PREPL: variants seen among roughly 807,000 people sequenced by gnomAD.
PREPL encodes the protein prolyl endopeptidase-like.
Under a neutral mutation model 70.6 loss-of-function variants are expected in PREPL, and 77 were observed. That is an observed-to-expected ratio of 1.09 (90% CI 0.91 to 1.32). PREPL has a LOEUF of 1.32. PREPL is among the 40% of genes most tolerant of loss of function. The pLI is 0.00. For synonymous variants in PREPL, 315 were observed against 264.8 expected, an observed-to-expected ratio of 1.19 and a Z score of -1.84; for missense variants, 1,002 against 778.2, an observed-to-expected ratio of 1.29 and a Z score of -3.42.
Position 44,338,511 on chromosome 2 carries a change from G to A in PREPL, c.728C>T (p.Pro243Leu), listed in dbSNP as rs750100447. The A allele has an allele frequency of 6.2e-7, 1 of 1,611,828 alleles. No individual in the cohort carries two copies. Among genetic ancestry groups the A allele is most frequent in the South Asian group, 1.1e-5 (1 of 90,622 alleles). ...FKLMRTAADT[P>L]AIMNWDLFFT... is the part of the protein sequence containing the mutation. ...AAATAAATCCCAATTCATAATTGCA[G>A]GGGTATCAGCCGCTGTTCTCATTAG... Residue 243 changes from proline (P) to leucine (L), a missense_variant, in exon 7 of 14, where the codon CCT (proline) becomes CTT (leucine). Pro to Leu is a moderately conservative substitution (Grantham distance 98, BLOSUM62 -3). Coordinates refer to ENST00000409411, the MANE Select transcript of PREPL (RefSeq NM_001171613.2).
Position 44,319,336 on chromosome 2 carries a change from C to CT in PREPL, c.*2019dup, listed in dbSNP as rs536058926. ...GCATTATGTATCAAGTGCCCATACT[C>CT]TTTGACAAAGTAACTGTCTTTCTGA... On this transcript the variant is annotated 3_prime_UTR_variant, in exon 14 of 14. Transcript: ENST00000409411. 5.9e-5 allele frequency: 9 copies of CT among 152,576 alleles called. No homozygotes were observed. The highest frequency in any genetic ancestry group is 1.5e-5 in the Non-Finnish European group (1 of 68,028). 9.5% of individuals were successfully genotyped at this position (152,576 alleles called of 1,614,324 possible).
intron 3 of PREPL, among the ~76,000 whole-genome samples, 168 bp from the exon 4 acceptor site, chr2:44,344,119 T>C (rs1675522655): frequency 6.6e-6 from 1 of 152,226 alleles, no homozygotes; most frequent in Non-Finnish European, 1.5e-5. Context: ...CAATAAGTTA[T>C]TTAATATTAC....
intron 9 of PREPL, among the ~76,000 whole-genome samples, chr2:44,328,105 G>A (rs898375175): frequency 6.6e-6 from 1 of 151,754 alleles, no homozygotes; most frequent in East Asian, 1.9e-4. Flanking sequence ...GGCCAACATG[G>A]TGAAACCCCA....
intron 8 of PREPL, 143 bp downstream of exon 8, chr2:44,332,316 C>A (rs1249793222): frequency 3.0e-6 from 2 of 660,388 alleles, no homozygotes; most frequent in Non-Finnish European, 5.0e-6. Flanking sequence ...ATTCACCTAT[C>A]CCTAAAGTCA....
Position 44,332,460 on chromosome 2 carries a change from T to C in PREPL, c.1085A>G (p.Lys362Arg), listed in dbSNP as rs1224756167. Reference protein sequence around the residue: ...SRVLRLEAKSKDGKLVPMTVF... With the variant: ...SRVLRLEAKSRDGKLVPMTVF... ...GAAAGTGAAGATTATAAGACCTACC[T>C]TGCTTTTGGCTTCTAGACGTAAAAC... The change falls in exon 8 of 14, where the codon AAG becomes AGG. Residue 362 changes from lysine to arginine, a missense_variant and splice_region_variant. Coordinates refer to ENST00000409411, the MANE Select transcript of PREPL (RefSeq NM_001171613.2). 1.2e-6 allele frequency: 2 copies of C among 1,610,966 alleles called. No individual in the cohort carries two copies. The highest frequency in any genetic ancestry group is 2.2e-5 in the South Asian group (2 of 91,014).
At chr2:44,361,783 T>C, upstream of PREPL, 1 of 770,588 alleles carries the variant, frequency 1.3e-6, no homozygotes, top group Non-Finnish European at 1.8e-6. Flanking sequence ...CCGCCCTCAC[T>C]CAAGATGGCT....
In PREPL at chr2:44,319,692, T is replaced by G. The variant is rs1672759586; in HGVS notation, c.*1664A>C. 1 of 152,704 alleles carries G rather than the reference T, an allele frequency of 6.5e-6. No individual in the cohort carries two copies. The highest frequency in any genetic ancestry group is 2.4e-5 in the African/African-American group (1 of 41,462). 9.5% of individuals were successfully genotyped at this position (152,704 alleles called of 1,614,324 possible). On this transcript the variant is annotated 3_prime_UTR_variant, in exon 14 of 14. Coordinates refer to ENST00000409411, the MANE Select transcript of PREPL (RefSeq NM_001171613.2). ...TTTATTTTGCATCCTTTTTTTCAAC[T>G]TTGTCTTCTATTAGCTGTGCAAGAA...
intron 1 of PREPL, among the ~76,000 whole-genome samples, chr2:44,351,209 A>T (rs890582222): frequency 2.6e-5 from 4 of 151,344 alleles, no homozygotes; most frequent in Admixed American, 2.6e-4. Context: ...TGCTGGGATT[A>T]CAGGCGTGAG....
intron 5 of PREPL, among the ~76,000 whole-genome samples, chr2:44,339,996 C>A (rs575067889): frequency 7.0e-4 from 106 of 151,780 alleles, no homozygotes; most frequent in Non-Finnish European, 9.7e-4. Flanking sequence ...ATTTTTCCTT[C>A]TAAGTTATAT....
Position 44,317,933 on chromosome 2 carries a change from A to C in PREPL, c.*3423T>G. 8.0e-6 allele frequency: 2 copies of C among 249,614 alleles called. No individual in the cohort carries two copies. The highest frequency in any genetic ancestry group is 7.1e-5 in the South Asian group (2 of 28,090). 15.5% of individuals were successfully genotyped at this position (249,614 alleles called of 1,614,324 possible). ...TAAGAAACACTAACATAAAACACAA[A>C]GAATTAAAATGAAGATATAGCAAGC... On this transcript the variant is annotated 3_prime_UTR_variant, in exon 14 of 14. Coordinates refer to ENST00000409411, the MANE Select transcript of PREPL (RefSeq NM_001171613.2).
intron 13 of PREPL, 93 bp from the exon 14 acceptor site, chr2:44,321,538 C>T (rs1052516979): frequency 6.6e-7 from 1 of 1,526,538 alleles, no homozygotes; most frequent in East Asian, 2.4e-5. Flanking sequence ...CTTTACCTAA[C>T]CGTGAAGTCA....
At position 44,326,881 on chromosome 2, in the gene PREPL, G is replaced by C. The variant is rs1181480736; in HGVS notation, c.1310C>G (p.Thr437Ser). The C allele has an allele frequency of 6.2e-7, 1 of 1,614,144 alleles. No homozygotes were observed. The highest frequency in any genetic ancestry group is 8.5e-7 in the Non-Finnish European group (1 of 1,180,020). ...ATCAGCAAGGCCATTGAGTTTTTTA[G>C]TTAGGCGGCCATCAGCGTGCCACTG... is the stretch of plus-strand genomic sequence containing the variant. ...GLQWHADGRL[T>S]KKLNGLADLE... Residue 437 changes from threonine (T) to serine (S), a missense_variant, in exon 10 of 14, where the codon ACT becomes AGT. Physicochemically the swap from Thr to Ser is moderately conservative, Grantham distance 58. Coordinates refer to ENST00000409411, the MANE Select transcript of PREPL (RefSeq NM_001171613.2).
At chr2:44,349,440 A>G (rs1676167241) in intron 1 of PREPL, among the ~76,000 whole-genome samples, 1 of 151,060 alleles carries the variant, frequency 6.6e-6, no homozygotes, top group African/African-American at 2.4e-5. Context: ...ATAATAAATA[A>G]TAAATAATAC....
In PREPL at chr2:44,343,599, T is replaced by A. The variant is rs901792602; in HGVS notation, c.349+146A>T. 3 of 638,556 alleles carry A rather than the reference T, an allele frequency of 4.7e-6. No individual in the cohort carries two copies. In the African/African-American group the frequency reaches 5.5e-5, roughly 12 times the overall value. 39.6% of individuals were successfully genotyped at this position (638,556 alleles called of 1,614,324 possible). A position where few individuals can be genotyped will look rare whatever the true frequency, so the allele number is the denominator to read the frequency against. On this transcript the variant is annotated intron_variant, in intron 4 of 13. Transcript: ENST00000409411. Reference sequence around the variant, plus strand: ...ATTAAATAAGGGAAGGTCTCCTGAATAAGAGGTACATAGGAAGATGTATAG... The same window carrying A: ...ATTAAATAAGGGAAGGTCTCCTGAAAAAGAGGTACATAGGAAGATGTATAG...
At position 44,320,222 on chromosome 2, in the gene PREPL, G is replaced by A. The variant is rs371537299; in HGVS notation, c.*1134C>T. ...AGGTCCAAAAGACTCAGCCCAGATC[G>A]GCTTTGAAGTTATATCAAGATTTAA... On this transcript the variant is annotated 3_prime_UTR_variant, in exon 14 of 14. Coordinates refer to ENST00000409411, the MANE Select transcript of PREPL (RefSeq NM_001171613.2). The A allele has an allele frequency of 9.9e-6, 16 of 1,613,660 alleles. No homozygotes were observed. The highest frequency in any genetic ancestry group is 4.5e-5 in the East Asian group (2 of 44,892).
At chr2:44,338,647 G>A (rs137880253) in intron 6 of PREPL, 111 bp from the exon 7 acceptor site, 1 of 873,664 alleles carries the variant, frequency 1.1e-6, no homozygotes, top group African/African-American at 1.7e-5. Flanking sequence ...GTTTTATGAA[G>A]AGCTGAAGGA....
At position 44,320,828 on chromosome 2, in the gene PREPL, T is replaced by C. The variant is rs1427938464; in HGVS notation, c.*528A>G. Reference sequence around the variant, plus strand: ...AAATAAAATGTTTAAAAGTAAATTATGGCTTATAGGAGCTTATAACTTTAT... The same window carrying C: ...AAATAAAATGTTTAAAAGTAAATTACGGCTTATAGGAGCTTATAACTTTAT... On this transcript the variant is annotated 3_prime_UTR_variant, in exon 14 of 14. Transcript: ENST00000409411. 2.7e-5 allele frequency: 17 copies of C among 621,146 alleles called. No homozygotes were observed. The highest frequency in any genetic ancestry group is 2.5e-4 in the South Asian group (13 of 52,366). 38.5% of individuals were successfully genotyped at this position (621,146 alleles called of 1,614,324 possible). A position where few individuals can be genotyped will look rare whatever the true frequency, so the allele number is the denominator to read the frequency against.
upstream of PREPL, chr2:44,361,805 TG>T: frequency 1.0e-6 from 1 of 992,064 alleles, no homozygotes; most frequent in Non-Finnish European, 1.3e-6. Context: ...CCAGCAAGAA[TG>T]GTGCAATGGC....
At position 44,342,409 on chromosome 2, in the gene PREPL, T is replaced by C. The variant is rs2103967683; in HGVS notation, c.485+8A>G. ...GGAGAGAAAGATTTAATTATATTAT[T>C]CTAGTACCTTGGGTCTTTTTCTGTG... On this transcript the variant is annotated splice_region_variant and intron_variant, in intron 5 of 13. Transcript: ENST00000409411. 1.2e-6 allele frequency: 2 copies of C among 1,607,032 alleles called. No homozygotes were observed. Among genetic ancestry groups the C allele is most frequent in the Non-Finnish European group, 1.7e-6 (2 of 1,176,270 alleles).
Sources: allele counts gnomAD v4.1 joint callset (sites outside exome capture counted in the v4.1 genomes callset), GRCh38; gene constraint gnomAD v4.1.1; transcripts MANE v1.5; gene names NCBI Gene and HGNC (gene_info 2026-07-23, HGNC 2026-07-21).